Variants in MAP4K3 observed in about 807,000 individuals in gnomAD.
The protein encoded by MAP4K3 is mitogen-activated protein kinase kinase kinase kinase 3.
In MAP4K3, 94 loss-of-function variants were observed where a neutral mutation model predicts 143.5. That is an observed-to-expected ratio of 0.65 (90% CI 0.55 to 0.78). MAP4K3 has a LOEUF of 0.78. Ranked by LOEUF, MAP4K3 falls within the 30% of genes least tolerant of loss-of-function variation. MAP4K3 has a pLI of 0.00. For missense variants in MAP4K3, 1,077 were observed against 1,068.1 expected (o/e 1.01, Z -0.12); for synonymous variants, 416 against 347.2 (o/e 1.20, Z -2.20).
intron 24 of MAP4K3, among the ~76,000 whole-genome samples, chr2:39,277,708 G>A (rs1007041443): frequency 6.6e-6 from 1 of 151,920 alleles, no homozygotes. Context: ...GGGATTATAG[G>A]CACAGGCCAC....
At chr2:39,422,471 A>C (rs544280265) in intron 1 of MAP4K3, among the ~76,000 whole-genome samples, 1 of 152,294 alleles carries the variant, frequency 6.6e-6, no homozygotes, top group East Asian at 1.9e-4. Flanking sequence ...AGAAGAACCA[A>C]ATCTATTGAG....
Position 39,293,268 on chromosome 2 carries a change from C to A in MAP4K3, c.1179G>T (p.Lys393Asn). 1 of 1,529,240 alleles carries A rather than the reference C, an allele frequency of 6.5e-7. No homozygotes were observed. Among genetic ancestry groups the A allele is most frequent in the Non-Finnish European group, 8.8e-7 (1 of 1,132,884 alleles). 94.7% of individuals were successfully genotyped at this position (1,529,240 alleles called of 1,614,324 possible). A position where few individuals can be genotyped will look rare whatever the true frequency, so the allele number is the denominator to read the frequency against. Residue 393 changes from lysine (K) to asparagine (N), a missense_variant and splice_region_variant, in exon 17 of 34, where the codon AAG (lysine) becomes AAT (asparagine). Lys to Asn is a moderately conservative substitution (Grantham distance 94). Transcript: ENST00000263881. ...CTTCTTCAACAGACTTGAGAAGACT[C>A]CTTAAAAGAAAAAACAAAAACAAAA... Reference protein sequence around the residue: ...HQGGYFLGANKSLLKSVEEEL... With the variant: ...HQGGYFLGANNSLLKSVEEEL...
At chr2:39,405,151 G>C (rs777518401) in intron 1 of MAP4K3, among the ~76,000 whole-genome samples, 1 of 152,228 alleles carries the variant, frequency 6.6e-6, no homozygotes. Context: ...GTCTGACCCA[G>C]CACAGTCCTG....
rs55780656 is a variant in MAP4K3 at position 39,336,471 on chromosome 2, C to CAAAAA, written c.414+444_414+448dup. Among the ~76,000 whole-genome samples the CAAAAA allele has an allele frequency of 7.2e-3, 278 of 38,714 alleles. 24 individuals are homozygous for CAAAAA. The highest frequency in any genetic ancestry group is 0.02 in the African/African-American group (135 of 6,852). The allele number at this position is 38,714 out of a possible 152,430, so 25.4% of individuals were successfully genotyped here. On this transcript the variant is annotated intron_variant, in intron 6 of 33. Transcript: ENST00000263881. Reference sequence around the variant, plus strand: ...TGGGCAACAGAGCGAGACTCCATCTCAAAAAAAAAAAAAAAAAAAAAAAAA... The same window carrying CAAAAA: ...TGGGCAACAGAGCGAGACTCCATCTCAAAAAAAAAAAAAAAAAAAAAAAAAAAAAA...
chr2:39,292,905 A>G, intron 17 of MAP4K3, 79 bp from the exon 18 acceptor site: 1 of 1,183,614 alleles, frequency 8.4e-7, no homozygotes, highest in Non-Finnish European at 1.3e-6. Flanking sequence ...AAATGCAGGA[A>G]AAGCTACTGT....
chr2:39,342,285 C>T (rs1338840578), intron 4 of MAP4K3, among the ~76,000 whole-genome samples: 2 of 152,044 alleles, frequency 1.3e-5, no homozygotes, highest in African/African-American at 2.4e-5. Context: ...ATTACAAGCA[C>T]CCACCATCAT....
intron 3 of MAP4K3, among the ~76,000 whole-genome samples, chr2:39,344,085 G>C (rs1573177440): frequency 6.6e-6 from 1 of 152,110 alleles, no homozygotes; most frequent in Non-Finnish European, 1.5e-5. Context: ...ACAGAGATGG[G>C]ACAGAAAATC....
At chr2:39,318,329 T>A (rs950275666) in intron 12 of MAP4K3, among the ~76,000 whole-genome samples, 2 of 151,784 alleles carry the variant, frequency 1.3e-5, no homozygotes, top group Non-Finnish European at 2.9e-5. Flanking sequence ...TGTACATGAA[T>A]CCCCCGTGAC....
chr2:39,397,304 A>C (rs1666835503), intron 1 of MAP4K3, among the ~76,000 whole-genome samples: 1 of 152,210 alleles, frequency 6.6e-6, no homozygotes, highest in Non-Finnish European at 1.5e-5. Context: ...TAACCTATGA[A>C]AAGAATATAC....
intron 2 of MAP4K3, among the ~76,000 whole-genome samples, chr2:39,357,412 G>C (rs537270913): frequency 2.9e-4 from 44 of 152,328 alleles, no homozygotes; most frequent in African/African-American, 1.0e-3. Flanking sequence ...CAAATCATAA[G>C]TATAAGGTCA....
At chr2:39,341,228 G>C (rs568482439) in intron 4 of MAP4K3, among the ~76,000 whole-genome samples, 4 of 152,124 alleles carry the variant, frequency 2.6e-5, no homozygotes, top group Non-Finnish European at 5.9e-5. Flanking sequence ...GAAGCTAAAA[G>C]ACAATGGCCC....
intron 21 of MAP4K3, chr2:39,283,761 G>A (rs746471857): frequency 1.3e-5 from 2 of 152,120 alleles, no homozygotes; most frequent in Admixed American, 6.5e-5. Flanking sequence ...TTGAGTATAC[G>A]AACTGTCCCC....
At chr2:39,360,486 C>G (rs1486542740) in intron 2 of MAP4K3, among the ~76,000 whole-genome samples, 1 of 152,158 alleles carries the variant, frequency 6.6e-6, no homozygotes, top group Non-Finnish European at 1.5e-5. Flanking sequence ...CCAACCTCTG[C>G]CTGTTACCCA....
At chr2:39,309,748 CG>C (rs1682879511) in intron 13 of MAP4K3, among the ~76,000 whole-genome samples, 1 of 151,230 alleles carries the variant, frequency 6.6e-6, no homozygotes, top group African/African-American at 2.4e-5. Context: ...TTAGTAGAGA[CG>C]GGGTTTCACC....
chr2:39,401,779 T>C (rs182258637), intron 1 of MAP4K3, among the ~76,000 whole-genome samples: 49 of 152,172 alleles, frequency 3.2e-4, no homozygotes, highest in Non-Finnish European at 6.0e-4. Flanking sequence ...CCGGCCTGGA[T>C]GACAGGAGTG....
chr2:39,255,227 A>C (rs957283678), intron 31 of MAP4K3, among the ~76,000 whole-genome samples: 6 of 152,216 alleles, frequency 3.9e-5, no homozygotes, highest in African/African-American at 1.4e-4. Flanking sequence ...GCATTATTAC[A>C]AACAATTTTG....
intron 1 of MAP4K3, among the ~76,000 whole-genome samples, chr2:39,397,884 G>T (rs566624656): frequency 6.6e-6 from 1 of 152,138 alleles, no homozygotes; most frequent in Non-Finnish European, 1.5e-5. Context: ...AATGGCCCTT[G>T]AATATATGAT....
At position 39,272,125 on chromosome 2, in the gene MAP4K3, A is replaced by C. The variant is rs7584515; in HGVS notation, c.1973+158T>G. Reference sequence around the variant, plus strand: ...TACAAAGTAGAAAAATTTTAGAACAAGAGTGTGATCACTAAGCACTTGTTA... The same window carrying C: ...TACAAAGTAGAAAAATTTTAGAACACGAGTGTGATCACTAAGCACTTGTTA... On this transcript the variant is annotated intron_variant, in intron 26 of 33. Transcript: ENST00000263881. 7.6e-3 allele frequency: 3,696 copies of C among 484,976 alleles called. 123 individuals are homozygous for C. Among genetic ancestry groups the C allele is most frequent in the African/African-American group, 0.064 (3,232 of 50,634 alleles). The allele number at this position is 484,976 out of a possible 1,614,324, so 30.0% of individuals were successfully genotyped here. A position where few individuals can be genotyped will look rare whatever the true frequency, so the allele number is the denominator to read the frequency against.
intron 2 of MAP4K3, among the ~76,000 whole-genome samples, chr2:39,362,674 T>C (rs913861247): frequency 2.6e-5 from 4 of 152,214 alleles, no homozygotes; most frequent in Non-Finnish European, 4.4e-5. Flanking sequence ...GCAACTTTTT[T>C]CTTTCAGAAA....
Sources: gnomAD v4.1 joint callset for allele counts (sites outside exome capture counted in the v4.1 genomes callset) on GRCh38, gnomAD v4.1.1 for gene constraint, MANE v1.5 for transcripts, NCBI Gene and HGNC (gene_info 2026-07-23, HGNC 2026-07-21) for gene names.